The following AVEN variants were observed in gnomAD, a reference collection of about 807,000 sequenced individuals.
AVEN encodes apoptosis and caspase activation inhibitor.
A neutral mutation model predicts 38.1 loss-of-function variants in AVEN; 41 were observed. The ratio of observed to expected loss-of-function variants is 1.08; its 90% CI spans 0.84 to 1.40. The LOEUF is 1.40. Ranked by LOEUF, AVEN falls within the 40% of genes most tolerant of loss-of-function variation. The pLI, the probability that AVEN is intolerant of heterozygous loss-of-function variation, is 0.00. For missense variants in AVEN, 605 were observed against 438.8 expected, an observed-to-expected ratio of 1.38 and a Z score of -3.38; for synonymous variants, 206 against 171.8, an observed-to-expected ratio of 1.20 and a Z score of -1.56.
intron 2 of AVEN, among the ~76,000 whole-genome samples, chr15:33,916,321 T>C (rs181089804): frequency 6.6e-6 from 1 of 152,290 alleles, no homozygotes. Flanking sequence ...TATCTACAGC[T>C]AAGTGACCTG....
chr15:33,876,127 G>A, intron 2 of AVEN, 132 bp from the exon 3 acceptor site: 1 of 704,822 alleles, frequency 1.4e-6, no homozygotes, highest in Non-Finnish European at 2.3e-6. Flanking sequence ...GGATAAAACT[G>A]GAACATACCT....
chr15:33,977,948 A>G (rs1437839934), intron 2 of AVEN, among the ~76,000 whole-genome samples: 1 of 151,598 alleles, frequency 6.6e-6, no homozygotes, highest in Non-Finnish European at 1.5e-5. Context: ...CAGAGAAAAA[A>G]GAAAAGAAAA....
rs553895980 is a variant in AVEN, at chr15:33,960,456, G to C, written c.445+42576C>G. On this transcript the variant is annotated intron_variant, in intron 2 of 5. Transcript: ENST00000306730. ...GTGTTGTGTGTGTGAGAGAGAGAGAGAGAGATTTTGTTGCCACTTCCACTA... is the reference window on the plus strand; with the variant it reads ...GTGTTGTGTGTGTGAGAGAGAGAGACAGAGATTTTGTTGCCACTTCCACTA... 3.8e-3 allele frequency among the ~76,000 whole-genome samples: 574 copies of C among 152,124 alleles called. 3 individuals carry two copies. The highest frequency in any genetic ancestry group is 0.013 in the African/African-American group (538 of 41,494).
chr15:33,958,249 A>G lies in AVEN; in HGVS notation c.445+44783T>C, dbSNP rs532503426. On this transcript the variant is annotated intron_variant, in intron 2 of 5. Transcript: ENST00000306730. ...CCTCCTGTTTTCCTTACCTTGATAA[A>G]TTGCAAAATAATTCACCTAGACGCT... 2.6e-5 allele frequency among the ~76,000 whole-genome samples: 4 copies of G among 152,310 alleles called. No individual in the cohort carries two copies. In the East Asian group the frequency reaches 7.7e-4, roughly 29 times the overall value.
chr15:33,867,907 G>T (rs746855665), intron 4 of AVEN, 52 bp from the exon 5 acceptor site: 15 of 1,517,802 alleles, frequency 9.9e-6, no homozygotes, highest in Non-Finnish European at 1.3e-5. Context: ...TGCCATATTG[G>T]CTTAAGTAAA....
At chr15:33,967,102 T>C (rs1265182823) in intron 2 of AVEN, among the ~76,000 whole-genome samples, 1 of 152,134 alleles carries the variant, frequency 6.6e-6, no homozygotes, top group African/African-American at 2.4e-5. Flanking sequence ...TATCATGCAA[T>C]GTTAAGTGGG....
At chr15:33,857,053 A>G (rs543373635), downstream of AVEN, among the ~76,000 whole-genome samples, 3 of 152,282 alleles carry the variant, frequency 2.0e-5, no homozygotes, top group Admixed American at 6.5e-5. Context: ...AACACAATGT[A>G]TCCCTCCTCA....
chr15:34,026,589 C>T (rs985232416), intron 1 of AVEN, among the ~76,000 whole-genome samples: 1 of 151,872 alleles, frequency 6.6e-6, no homozygotes, highest in African/African-American at 2.4e-5. Flanking sequence ...AAATCAGGTA[C>T]TCAAATTTTC....
At chr15:33,881,639 T>A (rs1345919) in intron 2 of AVEN, among the ~76,000 whole-genome samples, 94,214 of 152,132 alleles carry the variant, frequency 0.62, 32,532 homozygotes, top group East Asian at 0.81. Context: ...AGAAAACATA[T>A]TACCAAAATT....
chr15:34,000,061 CTA>C (rs1179139649), intron 2 of AVEN, among the ~76,000 whole-genome samples: 1 of 152,170 alleles, frequency 6.6e-6, no homozygotes, highest in Non-Finnish European at 1.5e-5. Flanking sequence ...TTTGAGCTTG[CTA>C]TTCCCTTTGC....
chr15:34,041,481 A>C (rs537963223), upstream of AVEN, among the ~76,000 whole-genome samples: 1 of 152,198 alleles, frequency 6.6e-6, no homozygotes, highest in Non-Finnish European at 1.5e-5. Context: ...TTAAGGAACT[A>C]TATAACTATC....
At chr15:33,916,857 G>T (rs191020139) in intron 2 of AVEN, among the ~76,000 whole-genome samples, 2 of 152,124 alleles carry the variant, frequency 1.3e-5, no homozygotes, top group East Asian at 3.9e-4. Flanking sequence ...GTTCCATAGG[G>T]TTGGGGAGGC....
chr15:34,038,185 TAA>T (rs1172844818), intron 1 of AVEN, among the ~76,000 whole-genome samples: 1 of 152,162 alleles, frequency 6.6e-6, no homozygotes, highest in African/African-American at 2.4e-5. Flanking sequence ...ACAGGCATAA[TAA>T]AAGAGAACTA....
chr15:33,911,242 T>G (rs977863852), intron 2 of AVEN, among the ~76,000 whole-genome samples: 2 of 152,160 alleles, frequency 1.3e-5, no homozygotes, highest in Non-Finnish European at 2.9e-5. Flanking sequence ...TTGAAACTTG[T>G]TCTACTGACC....
At chr15:33,926,871 T>C (rs1893624960) in intron 2 of AVEN, among the ~76,000 whole-genome samples, 1 of 152,108 alleles carries the variant, frequency 6.6e-6, no homozygotes. Flanking sequence ...GCAAGGCTGG[T>C]TTCAAACTCC....
chr15:34,038,824 TGCCTCGCGGGGC>T lies in AVEN; in HGVS notation c.211_222del (p.Ala71_Gly74del). On this transcript the variant is annotated inframe_deletion, in exon 1 of 6. Transcript: ENST00000306730. ...CCCCAGCCTCCCGGCTCCCGGCGGC[TGCCTCGCGGGGC>T]GCCTCCTCCTCCTCGGCCTCCGCGA... 6.7e-6 allele frequency: 8 copies of T among 1,190,832 alleles called. No individual in the cohort carries two copies. The highest frequency in any genetic ancestry group is 6.2e-6 in the Non-Finnish European group (6 of 961,784). 73.8% of individuals were successfully genotyped at this position (1,190,832 alleles called of 1,614,324 possible).
At chr15:33,876,818 C>T (rs966700217) in intron 2 of AVEN, among the ~76,000 whole-genome samples, 1 of 151,808 alleles carries the variant, frequency 6.6e-6, no homozygotes, top group Non-Finnish European at 1.5e-5. Flanking sequence ...TGTATAAGAC[C>T]AAGAAAAAAT....
rs60551319 is a variant in AVEN at position 33,984,648 on chromosome 15, C to A, written c.445+18384G>T. On this transcript the variant is annotated intron_variant, in intron 2 of 5. Transcript: ENST00000306730. The stretch of plus-strand genomic sequence containing the variant: ...AACTCCTGACCTCAGGTGATCCACC[C>A]GTCTTGGCCTCCCAAAGTGCTCGGA... Among the ~76,000 whole-genome samples, 23 of 152,250 alleles carry A rather than the reference C, an allele frequency of 1.5e-4. No homozygotes were observed. In the East Asian group the frequency reaches 3.9e-3, roughly 26 times the overall value.
At chr15:34,073,988 TC>T (rs1353594906) in intron 1 of AVEN, among the ~76,000 whole-genome samples, 487 of 18,426 alleles carry the variant, frequency 0.026, 50 homozygotes, top group African/African-American at 0.03. Flanking sequence ...TTCTTCTTCT[TC>T]TTTTTTTTTT....
Sources: gnomAD v4.1 joint callset for allele counts (sites outside exome capture counted in the v4.1 genomes callset) on GRCh38, gnomAD v4.1.1 for gene constraint, MANE v1.5 for transcripts, NCBI Gene and HGNC (gene_info 2026-07-23, HGNC 2026-07-21) for gene names.